Variants in SLC2A1 observed in about 807,000 individuals in gnomAD.
SLC2A1 encodes the protein solute carrier family 2, facilitated glucose transporter member 1.
In SLC2A1, 4 loss-of-function variants were observed where a neutral mutation model predicts 46.6. The ratio of observed to expected loss-of-function variants is 0.09; its 90% confidence interval spans 0.04 to 0.20. The LOEUF (loss-of-function observed/expected upper bound fraction) is 0.20. SLC2A1 is among the 10% of genes least tolerant of loss of function. The probability of loss-of-function intolerance (pLI) is 1.00; values close to 1 mark genes in which losing one functional copy is unlikely to be tolerated. For synonymous variants in SLC2A1, 253 were observed against 270.0 expected, an observed-to-expected ratio of 0.94 and a Z score of 0.62; for missense variants, 352 against 667.0, an observed-to-expected ratio of 0.53 and a Z score of 5.20.
At chr1:42,939,808 C>A (rs1023250366) in intron 2 of SLC2A1, among the ~76,000 whole-genome samples, 1 of 152,122 alleles carries the variant, frequency 6.6e-6, no homozygotes, top group South Asian at 2.1e-4. Flanking sequence ...ATTAGCTGGG[C>A]GTGGTGGTAC....
intron 2 of SLC2A1, among the ~76,000 whole-genome samples, chr1:42,942,222 AAC>A (rs1308295105): frequency 6.6e-6 from 1 of 152,216 alleles, no homozygotes; most frequent in Non-Finnish European, 1.5e-5. Context: ...CCATGGAAAC[AAC>A]AGAGCTTGGC....
rs563249863 is a variant in SLC2A1 at position 42,937,289 on chromosome 1, C to A, written c.114+5937G>T. On this transcript the variant is annotated intron_variant, in intron 2 of 9. Coordinates refer to ENST00000426263, the MANE Select transcript of SLC2A1 (RefSeq NM_006516.4). Reference sequence around the variant, plus strand: ...CACGGTGGTGGAGGTGCAGAGTTGACACTAAATGACCAACAAGCCATGAAT... The same window carrying A: ...CACGGTGGTGGAGGTGCAGAGTTGAAACTAAATGACCAACAAGCCATGAAT... 2.0e-5 allele frequency among the ~76,000 whole-genome samples: 3 copies of A among 152,278 alleles called. No homozygotes were observed. The South Asian group carries it at 6.2e-4, about 32-fold the overall frequency.
chr1:42,957,923 C>T (rs1027444131), intron 1 of SLC2A1, among the ~76,000 whole-genome samples: 1 of 152,160 alleles, frequency 6.6e-6, no homozygotes, highest in African/African-American at 2.4e-5. Flanking sequence ...AACACATCTC[C>T]GCGAGACTGG....
intron 2 of SLC2A1, among the ~76,000 whole-genome samples, chr1:42,939,892 G>T (rs1249621750): frequency 6.7e-6 from 1 of 148,196 alleles, no homozygotes; most frequent in East Asian, 2.0e-4. Context: ...AGCGGAGGTT[G>T]CAGTGAGCCA....
rs144784155 is a variant in SLC2A1 at position 42,947,581 on chromosome 1, C to CAAAA, written c.19-4264_19-4261dup. Among the ~76,000 whole-genome samples, 107 of 55,728 alleles carry CAAAA rather than the reference C, an allele frequency of 1.9e-3. 2 individuals are homozygous for CAAAA. Among genetic ancestry groups the CAAAA allele is most frequent in the Non-Finnish European group, 2.4e-3 (77 of 32,204 alleles). 36.6% of individuals were successfully genotyped at this position (55,728 alleles called of 152,430 possible). A position where few individuals can be genotyped will look rare whatever the true frequency, so the allele number is the denominator to read the frequency against. On this transcript the variant is annotated intron_variant, in intron 1 of 9. Coordinates refer to ENST00000426263, the MANE Select transcript of SLC2A1 (RefSeq NM_006516.4). ...TACTAAAATTACACACACACACACACAAAAAAAAAAAAAAAAAAAAAAAAA... is the reference window on the plus strand; with the variant it reads ...TACTAAAATTACACACACACACACACAAAAAAAAAAAAAAAAAAAAAAAAAAAAA...
At chr1:42,943,186 C>G (rs777738953) in intron 2 of SLC2A1, 40 bp downstream of exon 2, 29 of 1,318,510 alleles carry the variant, frequency 2.2e-5, no homozygotes, top group Non-Finnish European at 2.0e-5. Flanking sequence ...TGCAACAGAG[C>G]AGGCTGGTGT....
intron 1 of SLC2A1, among the ~76,000 whole-genome samples, chr1:42,949,736 C>A (rs1365461830): frequency 6.6e-6 from 1 of 152,236 alleles, no homozygotes; most frequent in African/African-American, 2.4e-5. Context: ...TTCTGATTAA[C>A]CACCATGAAC....
intron 1 of SLC2A1, among the ~76,000 whole-genome samples, chr1:42,953,392 G>T (rs1643741481): frequency 6.6e-6 from 1 of 152,272 alleles, no homozygotes; most frequent in South Asian, 2.1e-4. Context: ...CCCCTCCCGT[G>T]GAGAGAGGTA....
At chr1:42,946,784 C>T (rs900835) in intron 1 of SLC2A1, among the ~76,000 whole-genome samples, 22,083 of 152,140 alleles carry the variant, frequency 0.15, 1,812 homozygotes, top group South Asian at 0.19. Context: ...CAAGACACTG[C>T]GACCAATCTC....
At position 42,954,698 on chromosome 1, in the gene SLC2A1, A is replaced by G. The variant is rs533631724; in HGVS notation, c.18+3936T>C. On this transcript the variant is annotated intron_variant, in intron 1 of 9. Transcript: ENST00000426263. This position sits in a 1 kb window ranked among gnomAD's most constrained non-coding sequence, Gnocchi z 4.2. Reference sequence around the variant, plus strand: ...TGGGTTCCTTCCACCCTCTAATGTCATCCTGGAAAGGCTGGCAGCATGTCT... The same window carrying G: ...TGGGTTCCTTCCACCCTCTAATGTCGTCCTGGAAAGGCTGGCAGCATGTCT... Among the ~76,000 whole-genome samples the G allele has an allele frequency of 3.3e-5, 5 of 152,234 alleles. No homozygotes were observed. In the East Asian group the frequency reaches 9.7e-4, roughly 29 times the overall value.
At position 42,930,206 on chromosome 1, in the gene SLC2A1, T is replaced by C; in HGVS notation, c.517-171A>G. 1.3e-6 allele frequency: 1 copy of C among 756,912 alleles called. No homozygotes were observed. The highest frequency in any genetic ancestry group is 1.7e-5 in the African/African-American group (1 of 57,652). 46.9% of individuals were successfully genotyped at this position (756,912 alleles called of 1,614,324 possible). A position where few individuals can be genotyped will look rare whatever the true frequency, so the allele number is the denominator to read the frequency against. On this transcript the variant is annotated intron_variant, in intron 4 of 9. Transcript: ENST00000426263. This position sits in a 1 kb window ranked among gnomAD's most constrained non-coding sequence, Gnocchi z 6.2. ...TTTCTCAGTTTCCTCATCGGTCACA[T>C]GGGAAAAGTAGGACCTACCCCACAG...
At chr1:42,935,440 C>T (rs983386284) in intron 2 of SLC2A1, among the ~76,000 whole-genome samples, 4 of 152,212 alleles carry the variant, frequency 2.6e-5, no homozygotes, top group Admixed American at 6.5e-5. Context: ...TTCTCACTTC[C>T]CCTTTGTAGA....
chr1:42,938,919 T>A (rs191627533), intron 2 of SLC2A1, among the ~76,000 whole-genome samples: 2 of 152,232 alleles, frequency 1.3e-5, no homozygotes, highest in Non-Finnish European at 2.9e-5. Context: ...AGTGACACTC[T>A]GGCTTTCTCC....
At position 42,939,901 on chromosome 1, in the gene SLC2A1, C is replaced by T. The variant is rs532602586; in HGVS notation, c.114+3325G>A. Among the ~76,000 whole-genome samples, 5 of 146,746 alleles carry T rather than the reference C, an allele frequency of 3.4e-5. No individual in the cohort carries two copies. The East Asian group carries it at 1.0e-3, about 30-fold the overall frequency. ...CCAGGAAGCGGAGGTTGCAGTGAGCCAAGATCATGCCACTGTACTCTGGCC... is the reference window on the plus strand; with the variant it reads ...CCAGGAAGCGGAGGTTGCAGTGAGCTAAGATCATGCCACTGTACTCTGGCC... On this transcript the variant is annotated intron_variant, in intron 2 of 9. Transcript: ENST00000426263.
At chr1:42,957,099 A>G (rs2124476822) in intron 1 of SLC2A1, among the ~76,000 whole-genome samples, 1 of 152,344 alleles carries the variant, frequency 6.6e-6, no homozygotes, top group Middle Eastern at 3.4e-3. Flanking sequence ...TTCCTTCCCT[A>G]GAGGAAGTGA....
At position 42,929,513 on chromosome 1, in the gene SLC2A1, CA is replaced by C. The variant is rs767251612; in HGVS notation, c.867+79del. Reference sequence around the variant, plus strand: ...TTCGGCAGAGGCGTATCTGTTGTTTCAAGTTTGGGACTTGTTCACCATGCAC... The same window carrying C: ...TTCGGCAGAGGCGTATCTGTTGTTTCAGTTTGGGACTTGTTCACCATGCAC... On this transcript the variant is annotated intron_variant, in intron 6 of 9. Coordinates refer to ENST00000426263, the MANE Select transcript of SLC2A1 (RefSeq NM_006516.4). This position sits in a 1 kb window ranked among gnomAD's most constrained non-coding sequence, Gnocchi z 6.0. 2 of 1,422,060 alleles carry C rather than the reference CA, an allele frequency of 1.4e-6. No individual in the cohort carries two copies. Among genetic ancestry groups the C allele is most frequent in the Non-Finnish European group, 2.0e-6 (2 of 1,010,358 alleles). 88.1% of individuals were successfully genotyped at this position (1,422,060 alleles called of 1,614,324 possible).
At chr1:42,952,475 C>A (rs956233407) in intron 1 of SLC2A1, 9 of 449,168 alleles carry the variant, frequency 2.0e-5, no homozygotes, top group Middle Eastern at 4.2e-4. Flanking sequence ...CAGCCATGAC[C>A]GCTGGGACAC....
At chr1:42,931,816 ACT>A in intron 2 of SLC2A1, among the ~76,000 whole-genome samples, 1 of 123,944 alleles carries the variant, frequency 8.1e-6, no homozygotes, top group Non-Finnish European at 1.7e-5. Flanking sequence ...ACAGAGTGAG[ACT>A]CTATGTCTCA....
At chr1:42,941,817 T>G (rs1405360703) in intron 2 of SLC2A1, among the ~76,000 whole-genome samples, 1 of 152,168 alleles carries the variant, frequency 6.6e-6, no homozygotes, top group East Asian at 1.9e-4. Context: ...GCAAGAGCTG[T>G]CAAGAGCACT....
Sources: allele counts gnomAD v4.1 joint callset (sites outside exome capture counted in the v4.1 genomes callset), GRCh38; gene constraint gnomAD v4.1.1; non-coding constraint Gnocchi (gnomAD v3.1); transcripts MANE v1.5; gene names NCBI Gene and HGNC (gene_info 2026-07-23, HGNC 2026-07-21).